Variants in AUTS2 observed in about 807,000 individuals in gnomAD.
The protein encoded by AUTS2 is activator of transcription and developmental regulator AUTS2.
Under a neutral mutation model 112.4 loss-of-function variants are expected in AUTS2, and 17 were observed. The ratio of observed to expected loss-of-function variants is 0.15; its 90% confidence interval spans 0.10 to 0.23. The LOEUF (loss-of-function observed/expected upper bound fraction) is 0.23, where lower values mean the gene tolerates loss of function less well. Ranked by LOEUF, AUTS2 falls within the 10% of genes least tolerant of loss-of-function variation. The pLI, the probability that AUTS2 is intolerant of heterozygous loss-of-function variation, is 1.00. For synonymous variants in AUTS2, 751 were observed against 702.7 expected, an observed-to-expected ratio of 1.07 and a Z score of -1.09; for missense variants, 1,510 against 1,701.6, an observed-to-expected ratio of 0.89 and a Z score of 1.98.
At chr7:70,081,244 T>G (rs189224726) in intron 2 of AUTS2, among the ~76,000 whole-genome samples, 1 of 152,004 alleles carries the variant, frequency 6.6e-6, no homozygotes, top group Admixed American at 6.6e-5. Context: ...TTTTTAAAAC[T>G]GGGATTAGAA....
At chr7:70,431,443 T>G (rs950132419) in intron 4 of AUTS2, among the ~76,000 whole-genome samples, 1 of 152,178 alleles carries the variant, frequency 6.6e-6, no homozygotes, top group Non-Finnish European at 1.5e-5. Flanking sequence ...TTGCCCAGGG[T>G]GGAGTGATCT....
chr7:69,608,127 T>C (rs1207870481), intron 1 of AUTS2, among the ~76,000 whole-genome samples: 1 of 151,802 alleles, frequency 6.6e-6, no homozygotes, highest in African/African-American at 2.4e-5. Flanking sequence ...AGAGATAGAG[T>C]TTTGCCATGT....
chr7:70,414,579 G>A (rs62455215), intron 4 of AUTS2, among the ~76,000 whole-genome samples: 4,960 of 152,226 alleles, frequency 0.033, 175 homozygotes, highest in Non-Finnish European at 0.041. Flanking sequence ...CAGGAGAGAC[G>A]TTTAGCAGTG....
intron 6 of AUTS2, among the ~76,000 whole-genome samples, chr7:70,750,939 G>T (rs1267117272): frequency 6.7e-6 from 1 of 148,988 alleles, no homozygotes; most frequent in Non-Finnish European, 1.5e-5. Flanking sequence ...TCGAAACTAG[G>T]GTTTACCCTA....
intron 1 of AUTS2, among the ~76,000 whole-genome samples, chr7:69,622,816 C>T (rs1466490842): frequency 1.3e-5 from 2 of 152,156 alleles, no homozygotes; most frequent in Non-Finnish European, 2.9e-5. Flanking sequence ...TAAGAGAATA[C>T]TCAGTTATTA....
At position 69,598,975 on chromosome 7, in the gene AUTS2, T is replaced by G. The variant is rs1182945258; in HGVS notation, c.-679T>G. On this transcript the variant is annotated 5_prime_UTR_variant, in exon 1 of 19. Coordinates refer to ENST00000342771, the MANE Select transcript of AUTS2 (RefSeq NM_015570.4). Reference sequence around the variant, plus strand: ...GATTGCATTATTATGCTCCCCTCTCTGGGGGGTCTCGCCCCTCTTGGGTCG... The same window carrying G: ...GATTGCATTATTATGCTCCCCTCTCGGGGGGGTCTCGCCCCTCTTGGGTCG... 1 of 152,222 alleles carries G rather than the reference T, an allele frequency of 6.6e-6. No homozygotes were observed. The highest frequency in any genetic ancestry group is 1.9e-4 in the East Asian group (1 of 5,140). The allele number at this position is 152,222 out of a possible 1,614,324, so 9.4% of individuals were successfully genotyped here. A position where few individuals can be genotyped will look rare whatever the true frequency, so the allele number is the denominator to read the frequency against.
At chr7:69,795,682 G>C (rs1456491731) in intron 1 of AUTS2, among the ~76,000 whole-genome samples, 1 of 152,230 alleles carries the variant, frequency 6.6e-6, no homozygotes, top group East Asian at 1.9e-4. Context: ...TTGTTCTATA[G>C]ATAGATTCCT....
At chr7:70,604,486 C>A (rs1803630991) in intron 5 of AUTS2, among the ~76,000 whole-genome samples, 1 of 152,200 alleles carries the variant, frequency 6.6e-6, no homozygotes, top group South Asian at 2.1e-4. Context: ...GCCCAATGAT[C>A]AACATGCTGT....
At chr7:69,925,114 A>G (rs1214539635) in intron 2 of AUTS2, among the ~76,000 whole-genome samples, 1 of 152,146 alleles carries the variant, frequency 6.6e-6, no homozygotes, top group African/African-American at 2.4e-5. Flanking sequence ...TATAGAATCT[A>G]TGGCAATTCT....
intron 6 of AUTS2, among the ~76,000 whole-genome samples, chr7:70,756,826 C>T (rs548279071): frequency 7.2e-5 from 11 of 152,258 alleles, no homozygotes; most frequent in Non-Finnish European, 8.8e-5. Flanking sequence ...GAAAAATCAG[C>T]GTATATTAAA....
At chr7:70,729,683 C>T (rs1364795856) in intron 6 of AUTS2, among the ~76,000 whole-genome samples, 2 of 152,218 alleles carry the variant, frequency 1.3e-5, no homozygotes. Context: ...TATTCTCTTC[C>T]TGAAACCTGA....
At chr7:70,353,264 C>T (rs888127365) in intron 4 of AUTS2, among the ~76,000 whole-genome samples, 1 of 152,076 alleles carries the variant, frequency 6.6e-6, no homozygotes. Context: ...TGTCAAATTC[C>T]TTATATTTGT....
intron 1 of AUTS2, among the ~76,000 whole-genome samples, chr7:69,852,915 T>A (rs1328667698): frequency 1.3e-5 from 2 of 152,294 alleles, no homozygotes; most frequent in Non-Finnish European, 2.9e-5. Flanking sequence ...GCCAGTGTGT[T>A]TTTTAGTTCC....
At chr7:69,790,954 C>G (rs1789583802) in intron 1 of AUTS2, among the ~76,000 whole-genome samples, 1 of 152,234 alleles carries the variant, frequency 6.6e-6, no homozygotes, top group African/African-American at 2.4e-5. Flanking sequence ...TATTCCCTCT[C>G]TAGCCTTAAT....
chr7:70,117,104 G>GTTTTGTTTTT lies in AUTS2; in HGVS notation c.523-1024_523-1023insGTTTTTTTTT, dbSNP rs1562710088. The stretch of plus-strand genomic sequence containing the variant: ...ACGTAAACTTCATGAGATGACTTTT[G>GTTTTGTTTTT]TTTTTTTTTTTTGTTTTTTTTTGTT... On this transcript the variant is annotated intron_variant, in intron 2 of 18. Coordinates refer to ENST00000342771, the MANE Select transcript of AUTS2 (RefSeq NM_015570.4). Among the ~76,000 whole-genome samples the GTTTTGTTTTT allele has an allele frequency of 1.0e-4, 8 of 78,460 alleles. 1 individual carries two copies. Among genetic ancestry groups the GTTTTGTTTTT allele is most frequent in the African/African-American group, 1.4e-4 (3 of 20,694 alleles). 51.5% of individuals were successfully genotyped at this position (78,460 alleles called of 152,430 possible).
At chr7:70,772,197 C>T (rs935938258) in intron 11 of AUTS2, among the ~76,000 whole-genome samples, 1 of 152,204 alleles carries the variant, frequency 6.6e-6, no homozygotes, top group Non-Finnish European at 1.5e-5. Context: ...CTTTCTTTCT[C>T]CCTCTCTCTC....
At chr7:70,033,715 A>G (rs965734611) in intron 2 of AUTS2, among the ~76,000 whole-genome samples, 3 of 152,198 alleles carry the variant, frequency 2.0e-5, no homozygotes, top group African/African-American at 7.2e-5. Context: ...GTGTTTTAGG[A>G]CCATTAAGAT....
At chr7:70,781,498 G>A (rs559362535) in intron 14 of AUTS2, 117 bp from the exon 15 acceptor site, 12 of 1,267,572 alleles carry the variant, frequency 9.5e-6, no homozygotes, top group Non-Finnish European at 1.1e-5. Context: ...TTCTCTCACA[G>A]TGTTTGTAAA....
intron 5 of AUTS2, among the ~76,000 whole-genome samples, chr7:70,616,753 GT>G (rs67691820): frequency 0.054 from 7,095 of 131,248 alleles, 541 homozygotes; most frequent in African/African-American, 0.18. Context: ...GTGTCGAATA[GT>G]TTTTTTTTTT....
Sources: allele counts gnomAD v4.1 joint callset (sites outside exome capture counted in the v4.1 genomes callset), GRCh38; gene constraint gnomAD v4.1.1; transcripts MANE v1.5; gene names NCBI Gene and HGNC (gene_info 2026-07-23, HGNC 2026-07-21).